The following PCDH15 variants were observed in gnomAD, a reference collection of about 807,000 sequenced individuals.
The protein encoded by PCDH15 is protocadherin related 15, also known as protocadherin-15.
In PCDH15, 129 loss-of-function variants were observed where a neutral mutation model predicts 178.5. The observed-to-expected ratio is 0.72, with a 90% CI of 0.63 to 0.84. The LOEUF is 0.84. Among genes scored for constraint, PCDH15 ranks in the 40% least tolerant of loss-of-function variants. The pLI is 0.00. For synonymous variants in PCDH15, 800 were observed against 732.0 expected, an observed-to-expected ratio of 1.09 and a Z score of -1.50; for missense variants, 2,230 against 2,099.9, an observed-to-expected ratio of 1.06 and a Z score of -1.21.
intron 2 of PCDH15, among the ~76,000 whole-genome samples, chr10:55,351,385 C>T (rs924637012): frequency 6.6e-6 from 1 of 151,896 alleles, no homozygotes; most frequent in Non-Finnish European, 1.5e-5. Flanking sequence ...GATGCTTTTT[C>T]ATCCACGATT....
Position 55,238,210 on chromosome 10 carries a change from C to A in PCDH15, c.-155-71559G>T, listed in dbSNP as rs530726344. ...TCGCCCAGGCTGGAGTGCACAGTGG[C>A]GCGATCTCGGCTCACTGCAAGCTCT... On this transcript the variant is annotated intron_variant, in intron 1 of 5. Coordinates refer to the PCDH15 transcript ENST00000458638. Among the ~76,000 whole-genome samples, 555 of 141,620 alleles carry A rather than the reference C, an allele frequency of 3.9e-3. 2 individuals are homozygous for A. The highest frequency in any genetic ancestry group is 8.3e-3 in the Middle Eastern group (2 of 240). The allele number at this position is 141,620 out of a possible 152,430, so 92.9% of individuals were successfully genotyped here.
chr10:55,028,611 T>C (rs1250263341), intron 2 of PCDH15, among the ~76,000 whole-genome samples: 3 of 151,966 alleles, frequency 2.0e-5, no homozygotes, highest in Non-Finnish European at 4.4e-5. Flanking sequence ...CGCATTTTTT[T>C]TCTTGAAATG....
At chr10:55,600,776 G>C (rs1007195635) in intron 2 of PCDH15, among the ~76,000 whole-genome samples, 3 of 152,122 alleles carry the variant, frequency 2.0e-5, no homozygotes, top group African/African-American at 7.2e-5. Context: ...ATTGGTTACT[G>C]AGTGCTATTG....
intron 2 of PCDH15, among the ~76,000 whole-genome samples, chr10:55,565,570 A>G (rs1029134077): frequency 5.9e-5 from 9 of 151,648 alleles, no homozygotes; most frequent in African/African-American, 2.2e-4. Flanking sequence ...GTTGTTTGAA[A>G]AGATCAACAA....
chr10:54,142,598 G>A (rs541606349), intron 14 of PCDH15, among the ~76,000 whole-genome samples: 4 of 152,268 alleles, frequency 2.6e-5, no homozygotes, highest in African/African-American at 7.2e-5. Flanking sequence ...CTATGTGTCA[G>A]AATAACAGGG....
At chr10:54,682,715 T>C (rs1390344871) in intron 1 of PCDH15, among the ~76,000 whole-genome samples, 5 of 152,132 alleles carry the variant, frequency 3.3e-5, no homozygotes, top group African/African-American at 1.2e-4. Context: ...TACTCTCACA[T>C]TCTTAAAAAC....
At position 54,323,731 on chromosome 10, in the gene PCDH15, G is replaced by A. The variant is rs1405830693; in HGVS notation, c.705+5865C>T. Among the ~76,000 whole-genome samples, 6 of 151,928 alleles carry A rather than the reference G, an allele frequency of 3.9e-5. No homozygotes were observed. In the East Asian group the frequency reaches 9.7e-4, roughly 24 times the overall value. ...ACTGCTGGGGCAAGGAGAGAGAATG[G>A]ATCAAAAAACTACCCATTGAGTACT... On this transcript the variant is annotated intron_variant, in intron 7 of 37. Transcript: ENST00000644397.
intron 3 of PCDH15, among the ~76,000 whole-genome samples, chr10:54,451,985 G>A (rs1010731249): frequency 1.3e-5 from 2 of 151,814 alleles, no homozygotes; most frequent in African/African-American, 4.8e-5. Flanking sequence ...TAATTTGCTT[G>A]ATGCCAGGAG....
chr10:55,201,847 T>C, intron 1 of PCDH15, among the ~76,000 whole-genome samples: 1 of 152,198 alleles, frequency 6.6e-6, no homozygotes, highest in East Asian at 1.9e-4. Flanking sequence ...ATAAATAGGT[T>C]TGTTTGTCTA....
At chr10:55,099,304 T>C (rs1224655344) in intron 2 of PCDH15, among the ~76,000 whole-genome samples, 4 of 152,028 alleles carry the variant, frequency 2.6e-5, no homozygotes, top group Non-Finnish European at 5.9e-5. Flanking sequence ...GAAAAATATA[T>C]ATAATGTAAA....
At chr10:54,499,836 A>G (rs1245392393) in intron 3 of PCDH15, among the ~76,000 whole-genome samples, 1 of 152,182 alleles carries the variant, frequency 6.6e-6, no homozygotes, top group East Asian at 1.9e-4. Context: ...GCTGACCAGA[A>G]TGACATTGAG....
At chr10:55,557,845 T>C (rs1842120623) in intron 2 of PCDH15, among the ~76,000 whole-genome samples, 1 of 152,042 alleles carries the variant, frequency 6.6e-6, no homozygotes. Context: ...CATATGGAAG[T>C]GGTAAAGAGT....
At chr10:54,188,826 C>T (rs1686158578) in intron 11 of PCDH15, among the ~76,000 whole-genome samples, 1 of 151,810 alleles carries the variant, frequency 6.6e-6, no homozygotes. Context: ...TATATAGGCA[C>T]ATACAACACA....
At chr10:54,931,598 G>A (rs1837777885) in intron 2 of PCDH15, among the ~76,000 whole-genome samples, 2 of 152,110 alleles carry the variant, frequency 1.3e-5, no homozygotes, top group South Asian at 4.1e-4. Context: ...TAAGTGGGTG[G>A]TATTCACTGT....
At chr10:55,539,341 A>G (rs1055865699) in intron 2 of PCDH15, among the ~76,000 whole-genome samples, 4 of 151,986 alleles carry the variant, frequency 2.6e-5, no homozygotes, top group Non-Finnish European at 5.9e-5. Context: ...TTTTACTATC[A>G]TTATCATCAT....
intron 2 of PCDH15, among the ~76,000 whole-genome samples, chr10:55,415,013 G>A (rs1838442258): frequency 6.6e-6 from 1 of 151,642 alleles, no homozygotes. Flanking sequence ...GGATCTTAGA[G>A]GAAATGCTTT....
chr10:53,974,391 G>A (rs11003960), intron 21 of PCDH15, among the ~76,000 whole-genome samples: 8,444 of 151,960 alleles, frequency 0.056, 636 homozygotes, highest in African/African-American at 0.17. Context: ...TAACTTTAAA[G>A]ATTAGTATCA....
chr10:55,442,461 ATATATATATTATATATATAT>A (rs1839211821), intron 2 of PCDH15, among the ~76,000 whole-genome samples: 1 of 72,394 alleles, frequency 1.4e-5, no homozygotes, highest in Non-Finnish European at 2.5e-5. Flanking sequence ...TTGATTATAT[ATATATATATTATATATATAT>A]TATATATATA....
intron 15 of PCDH15, among the ~76,000 whole-genome samples, chr10:54,128,661 T>G (rs1290957333): frequency 6.6e-6 from 1 of 152,206 alleles, no homozygotes; most frequent in East Asian, 1.9e-4. Flanking sequence ...AGACCTCTCT[T>G]ACTTGGATTT....
Sources: gnomAD v4.1 joint callset for allele counts (sites outside exome capture counted in the v4.1 genomes callset) on GRCh38, gnomAD v4.1.1 for gene constraint, MANE v1.5 for transcripts, NCBI Gene and HGNC (gene_info 2026-07-23, HGNC 2026-07-21) for gene names.